The following RYK variants were observed in gnomAD, a reference collection of about 807,000 sequenced individuals.
RYK encodes receptor like tyrosine kinase.
A neutral mutation model predicts 70.2 loss-of-function variants in RYK; 21 were observed. The ratio of observed to expected loss-of-function variants is 0.30; its 90% CI spans 0.21 to 0.43. The LOEUF (loss-of-function observed/expected upper bound fraction) is 0.43, where lower values mean the gene tolerates loss of function less well. Among genes scored for constraint, RYK ranks in the 20% least tolerant of loss-of-function variants. RYK has a pLI of 1.00. For missense variants in RYK, 604 were observed against 753.3 expected (o/e 0.80, Z 2.32); for synonymous variants, 267 against 278.0 (o/e 0.96, Z 0.39).
chr3:134,250,769 C>T lies in RYK; in HGVS notation c.-115G>A. ...GGGGGCGGCTGCCCAGCTCATCGCACCGCCGGCCCGTGGCAGCCAGCAGTG... is the reference window on the plus strand; with the variant it reads ...GGGGGCGGCTGCCCAGCTCATCGCATCGCCGGCCCGTGGCAGCCAGCAGTG... On this transcript the variant is annotated 5_prime_UTR_variant, in exon 1 of 15. It adds an upstream start codon to the 5' untranslated region. Coordinates refer to ENST00000623711, the MANE Select transcript of RYK (RefSeq NM_002958.4). The T allele has an allele frequency of 2.8e-6, 1 of 358,446 alleles. No individual in the cohort carries two copies. Among genetic ancestry groups the T allele is most frequent in the Non-Finnish European group, 3.9e-6 (1 of 257,518 alleles). 22.2% of individuals were successfully genotyped at this position (358,446 alleles called of 1,614,324 possible). A position where few individuals can be genotyped will look rare whatever the true frequency, so the allele number is the denominator to read the frequency against.
chr3:134,188,875 G>A lies in RYK; in HGVS notation c.1064C>T (p.Pro355Leu). ...FHGILIDEKD[P>L]NKEKQAFVKT... ...GACAAATGCTTGTTTTTCTTTATTT[G>A]GATCTTTTTCATCTATTAAAATCCC... Residue 355 changes from proline (P) to leucine (L), a missense_variant, in exon 9 of 15, where the codon CCA (proline) becomes CTA (leucine). Coordinates refer to ENST00000623711, the MANE Select transcript of RYK (RefSeq NM_002958.4). 3 of 1,579,930 alleles carry A rather than the reference G, an allele frequency of 1.9e-6. No homozygotes were observed. The highest frequency in any genetic ancestry group is 2.7e-5 in the African/African-American group (2 of 74,060).
intron 2 of RYK, among the ~76,000 whole-genome samples, chr3:134,215,678 A>T (rs917876621): frequency 6.6e-6 from 1 of 152,228 alleles, no homozygotes; most frequent in Non-Finnish European, 1.5e-5. Flanking sequence ...TGTACAGTCT[A>T]CTGGGACAAA....
chr3:134,159,222 C>G lies in RYK; in HGVS notation c.1712+15G>C. 1 of 1,613,526 alleles carries G rather than the reference C, an allele frequency of 6.2e-7. No individual in the cohort carries two copies. The highest frequency in any genetic ancestry group is 8.5e-7 in the Non-Finnish European group (1 of 1,179,602). On this transcript the variant is annotated intron_variant, in intron 14 of 14. Coordinates refer to ENST00000623711, the MANE Select transcript of RYK (RefSeq NM_002958.4). ...ATGGAATAAAACTCATGCCTTCAAG[C>G]TCAAAAAAACTCACAATTCATCAGG...
chr3:134,168,381 T>C (rs949445680), intron 13 of RYK, among the ~76,000 whole-genome samples: 2 of 152,146 alleles, frequency 1.3e-5, no homozygotes, highest in Non-Finnish European at 2.9e-5. Flanking sequence ...CAAATGTCCA[T>C]CAATGATAGA....
intron 1 of RYK, among the ~76,000 whole-genome samples, 180 bp downstream of exon 1, chr3:134,250,243 C>A (rs1423792748): frequency 6.6e-6 from 1 of 152,084 alleles, no homozygotes; most frequent in African/African-American, 2.4e-5. Context: ...GGGGACCGGG[C>A]AGGGACCACA....
chr3:134,211,893 T>C (rs2014408900), intron 2 of RYK, among the ~76,000 whole-genome samples: 1 of 152,200 alleles, frequency 6.6e-6, no homozygotes, highest in South Asian at 2.1e-4. Flanking sequence ...TATGCAGCAC[T>C]GACAGAGAGG....
chr3:134,159,858 T>C (rs1452734921), intron 13 of RYK, among the ~76,000 whole-genome samples: 1 of 152,232 alleles, frequency 6.6e-6, no homozygotes, highest in Non-Finnish European at 1.5e-5. Context: ...CCAACCTTGC[T>C]TGAGTAAGCA....
At chr3:134,178,300 C>A in intron 10 of RYK, 1 of 389,280 alleles carries the variant, frequency 2.6e-6, no homozygotes, top group Non-Finnish European at 4.5e-6. Context: ...AGGGAAAAAT[C>A]ATAAACTCAA....
At chr3:134,190,882 C>T (rs920409344) in intron 8 of RYK, among the ~76,000 whole-genome samples, 1 of 152,138 alleles carries the variant, frequency 6.6e-6, no homozygotes. Context: ...TTACTCTCTT[C>T]AGATTGCAAA....
chr3:134,248,198 T>G (rs902581729), intron 1 of RYK, among the ~76,000 whole-genome samples: 12 of 152,156 alleles, frequency 7.9e-5, no homozygotes, highest in African/African-American at 9.7e-5. Flanking sequence ...CAACCCTATT[T>G]GCACTAGAGA....
intron 14 of RYK, among the ~76,000 whole-genome samples, chr3:134,158,871 CG>C (rs777667493): frequency 5.9e-5 from 9 of 152,148 alleles, no homozygotes; most frequent in Non-Finnish European, 1.2e-4. Context: ...AAAATGACAA[CG>C]AGAGAGGTTT....
At chr3:134,185,211 A>G (rs763125814) in intron 9 of RYK, among the ~76,000 whole-genome samples, 1 of 152,196 alleles carries the variant, frequency 6.6e-6, no homozygotes, top group Non-Finnish European at 1.5e-5. Context: ...AATGTAAAAG[A>G]CTGGCAAAGC....
rs138465101 is a variant in RYK, at chr3:134,227,952, C to A, written c.233-5413G>T. On this transcript the variant is annotated intron_variant, in intron 1 of 14. Transcript: ENST00000623711. ...CCTCCCAAACTGTTGGGATTACAGG[C>A]GTGAGCCACCGTGCCTGGCCTGACT... Among the ~76,000 whole-genome samples, 1,140 of 152,136 alleles carry A rather than the reference C, an allele frequency of 7.5e-3. 20 individuals carry two copies. The highest frequency in any genetic ancestry group is 0.025 in the African/African-American group (1,045 of 41,508).
At chr3:134,169,497 A>G (rs906490400) in intron 13 of RYK, among the ~76,000 whole-genome samples, 2 of 152,208 alleles carry the variant, frequency 1.3e-5, no homozygotes, top group Non-Finnish European at 2.9e-5. Flanking sequence ...CAATGATGTC[A>G]TATCTTGGAA....
At chr3:134,211,268 TA>T (rs1297684398) in intron 3 of RYK, among the ~76,000 whole-genome samples, 4 of 152,052 alleles carry the variant, frequency 2.6e-5, no homozygotes, top group Non-Finnish European at 5.9e-5. Flanking sequence ...TGGAGGTAAG[TA>T]CCAGCAATGC....
chr3:134,199,110 G>C (rs367997457), intron 6 of RYK, among the ~76,000 whole-genome samples: 3 of 152,208 alleles, frequency 2.0e-5, no homozygotes, highest in Non-Finnish European at 4.4e-5. Context: ...CTCATCAGGC[G>C]TAACAAAGAG....
chr3:134,224,299 CA>C (rs2014823982), intron 1 of RYK, among the ~76,000 whole-genome samples: 1 of 152,110 alleles, frequency 6.6e-6, no homozygotes, highest in Non-Finnish European at 1.5e-5. Context: ...GTCCGACGGA[CA>C]GGGGGCCAGC....
At chr3:134,160,230 CAATA>C (rs1223894839) in intron 13 of RYK, among the ~76,000 whole-genome samples, 11 of 152,044 alleles carry the variant, frequency 7.2e-5, no homozygotes, top group African/African-American at 2.7e-4. Context: ...TTAATTTCCT[CAATA>C]AACCTGTGAG....
chr3:134,202,863 G>A lies in RYK; in HGVS notation c.655C>T (p.His219Tyr), dbSNP rs1240752465. ...CGCGTAGAAGTGGTTGGAGCTGCAT[G>A]TACAGGATCATCTGAAATAAAAACA... ...NTSRTIYDPV[H>Y]AAPTTSTRVF... The change falls in exon 6 of 15, where the codon CAT becomes TAT. Residue 219 changes from histidine (H) to tyrosine (Y), a missense_variant. Physicochemically the swap from His to Tyr is moderately conservative, Grantham distance 83 (BLOSUM62 2). Transcript: ENST00000623711. The A allele has an allele frequency of 6.2e-7, 1 of 1,611,032 alleles. No individual in the cohort carries two copies. Among genetic ancestry groups the A allele is most frequent in the Admixed American group, 1.7e-5 (1 of 59,270 alleles).
Sources: gnomAD v4.1 joint callset for allele counts (sites outside exome capture counted in the v4.1 genomes callset) on GRCh38, gnomAD v4.1.1 for gene constraint, MANE v1.5 for transcripts, NCBI Gene and HGNC (gene_info 2026-07-23, HGNC 2026-07-21) for gene names.